Variants in NUP98 observed in about 807,000 individuals in gnomAD.
NUP98 encodes nuclear pore complex protein Nup98-Nup96.
A neutral mutation model predicts 191.9 loss-of-function variants in NUP98; 26 were observed. That is an observed-to-expected ratio of 0.14 (90% CI 0.10 to 0.19). The LOEUF is 0.19. Among genes scored for constraint, NUP98 ranks in the 10% least tolerant of loss-of-function variants. NUP98 has a pLI of 1.00. For missense variants in NUP98, 1,941 were observed against 2,178.8 expected (o/e 0.89, Z 2.17); for synonymous variants, 808 against 778.4 (o/e 1.04, Z -0.63).
At chr11:3,711,768 C>T in intron 20 of NUP98, 1 of 763,386 alleles carries the variant, frequency 1.3e-6, no homozygotes, top group African/African-American at 1.9e-5. Context: ...TTTCCAGTTT[C>T]CCACATTTAT....
chr11:3,775,841 C>CG, intron 5 of NUP98, 41 bp downstream of exon 5: 1 of 1,587,276 alleles, frequency 6.3e-7, no homozygotes, highest in Non-Finnish European at 8.6e-7. Flanking sequence ...AATATACATG[C>CG]GGGAAAAAAC....
At position 3,759,962 on chromosome 11, in the gene NUP98, GC is replaced by G. The variant is rs2081108990; in HGVS notation, c.1174+576del. ...ACTCCTAAGTGATACTCCTGACTCAGCCTCCATAATGGCTGGGACTACAGGT... is the reference window on the plus strand; with the variant it reads ...ACTCCTAAGTGATACTCCTGACTCAGCTCCATAATGGCTGGGACTACAGGT... On this transcript the variant is annotated intron_variant, in intron 10 of 32. Coordinates refer to ENST00000324932, the MANE Select transcript of NUP98 (RefSeq NM_016320.5). Among the ~76,000 whole-genome samples, 4 of 151,970 alleles carry G rather than the reference GC, an allele frequency of 2.6e-5. 1 individual carries two copies. In the South Asian group the frequency reaches 8.3e-4, roughly 32 times the overall value.
At chr11:3,708,131 G>GTGA (rs1414569099) in intron 20 of NUP98, among the ~76,000 whole-genome samples, 2 of 152,078 alleles carry the variant, frequency 1.3e-5, no homozygotes, top group East Asian at 3.8e-4. Flanking sequence ...AGGCCAGGTC[G>GTGA]TGAAGGCTTG....
chr11:3,744,399 T>A lies in NUP98; in HGVS notation c.1408+110A>T, dbSNP rs901077570. On this transcript the variant is annotated intron_variant, in intron 12 of 32. Coordinates refer to ENST00000324932, the MANE Select transcript of NUP98 (RefSeq NM_016320.5). Reference sequence around the variant, plus strand: ...TTTACTACCCAATTGTTTAATGACATGCATGTATGCAATGCCTTGGTAGGA... The same window carrying A: ...TTTACTACCCAATTGTTTAATGACAAGCATGTATGCAATGCCTTGGTAGGA... 6 of 1,063,466 alleles carry A rather than the reference T, an allele frequency of 5.6e-6. No homozygotes were observed. The African/African-American group carries it at 9.5e-5, about 17-fold the overall frequency. 65.9% of individuals were successfully genotyped at this position (1,063,466 alleles called of 1,614,324 possible).
chr11:3,735,156 G>T, intron 13 of NUP98, 35 bp downstream of exon 13: 1 of 1,514,880 alleles, frequency 6.6e-7, no homozygotes, highest in South Asian at 1.3e-5. Context: ...CTCTTTCTTT[G>T]ATATGATATT....
chr11:3,676,248 G>T lies in NUP98; in HGVS notation c.5314C>A (p.Arg1772=). The change falls in exon 33 of 33, where the codon CGG becomes AGG. Residue 1772 remains arginine, a synonymous_variant. Coordinates refer to ENST00000324932, the MANE Select transcript of NUP98 (RefSeq NM_016320.5). ...PLRLLAPHIG[R]LPMPEDYAMD... ...GCATAGTCCTCAGGCATGGGAAGCCGGCCAATGTGGGGAGCCAAGAGGCGC... is the reference window on the plus strand; with the variant it reads ...GCATAGTCCTCAGGCATGGGAAGCCTGCCAATGTGGGGAGCCAAGAGGCGC... 1 of 1,614,164 alleles carries T rather than the reference G, an allele frequency of 6.2e-7. No homozygotes were observed. Among genetic ancestry groups the T allele is most frequent in the Non-Finnish European group, 8.5e-7 (1 of 1,180,032 alleles).
chr11:3,715,584 G>A (rs558926305), intron 18 of NUP98, among the ~76,000 whole-genome samples: 6 of 152,192 alleles, frequency 3.9e-5, no homozygotes, highest in African/African-American at 1.2e-4. Context: ...CAAGTCCTTT[G>A]CCAATATTTT....
intron 1 of NUP98, among the ~76,000 whole-genome samples, chr11:3,797,150 G>A (rs1009037895): frequency 6.6e-6 from 1 of 152,254 alleles, no homozygotes; most frequent in African/African-American, 2.4e-5. Context: ...CCACTCGCGT[G>A]GGCAGCAACT....
chr11:3,757,511 C>A (rs1170733440), intron 10 of NUP98, among the ~76,000 whole-genome samples: 4 of 150,982 alleles, frequency 2.6e-5, no homozygotes, highest in Non-Finnish European at 5.9e-5. Flanking sequence ...CAAAACAAAA[C>A]AAAAATGCCG....
At chr11:3,791,468 A>C (rs1161978593) in intron 1 of NUP98, among the ~76,000 whole-genome samples, 1 of 132,394 alleles carries the variant, frequency 7.6e-6, no homozygotes, top group African/African-American at 2.9e-5. Context: ...CAGAAGGCGG[A>C]GGTTGCAGTG....
At chr11:3,712,026 A>C in intron 20 of NUP98, 1 of 1,049,734 alleles carries the variant, frequency 9.5e-7, no homozygotes, top group Non-Finnish European at 1.2e-6. Flanking sequence ...CCCAAGCCAA[A>C]TAATAATTCA....
intron 11 of NUP98, among the ~76,000 whole-genome samples, chr11:3,747,325 A>G (rs2080544100): frequency 6.6e-6 from 1 of 152,226 alleles, no homozygotes. Context: ...TGAGGCATCT[A>G]TTAGCACCAG....
intron 11 of NUP98, among the ~76,000 whole-genome samples, chr11:3,751,913 C>T (rs1451762377): frequency 6.6e-6 from 1 of 151,846 alleles, no homozygotes; most frequent in East Asian, 1.9e-4. Context: ...CGCGGTGGCT[C>T]ATGTCTGTAA....
intron 10 of NUP98, among the ~76,000 whole-genome samples, chr11:3,757,404 T>C (rs1331447995): frequency 1.3e-5 from 2 of 151,586 alleles, no homozygotes; most frequent in Non-Finnish European, 2.9e-5. Context: ...GGAGGATCAC[T>C]TGAGCCCAGG....
intron 12 of NUP98, among the ~76,000 whole-genome samples, chr11:3,736,125 T>C (rs927373631): frequency 6.6e-6 from 1 of 150,996 alleles, no homozygotes; most frequent in Non-Finnish European, 1.5e-5. Flanking sequence ...AGAGATGGGG[T>C]TTCGCCATGT....
At chr11:3,698,708 C>A (rs150428574) in intron 25 of NUP98, among the ~76,000 whole-genome samples, 1,346 of 93,252 alleles carry the variant, frequency 0.014, 34 homozygotes, top group African/African-American at 0.054. Flanking sequence ...GCCTGGGCAA[C>A]AAGAGTGAAA....
chr11:3,715,433 AT>A (rs981558334), intron 18 of NUP98, among the ~76,000 whole-genome samples: 106 of 141,756 alleles, frequency 7.5e-4, no homozygotes, highest in African/African-American at 1.1e-3. Flanking sequence ...ACGCCCGGCC[AT>A]TTTTTTTTTT....
At chr11:3,731,336 A>T in intron 14 of NUP98, 55 bp downstream of exon 14, 1 of 1,119,584 alleles carries the variant, frequency 8.9e-7, no homozygotes. Context: ...ATTATTTCAT[A>T]TTTAGTTTAT....
At chr11:3,731,200 G>T (rs1215679166) in intron 14 of NUP98, among the ~76,000 whole-genome samples, 191 bp downstream of exon 14, 1 of 152,098 alleles carries the variant, frequency 6.6e-6, no homozygotes, top group African/African-American at 2.4e-5. Context: ...GGAGGCAAAG[G>T]TTGCAGTGAG....
Sources: allele counts gnomAD v4.1 joint callset (sites outside exome capture counted in the v4.1 genomes callset), GRCh38; gene constraint gnomAD v4.1.1; transcripts MANE v1.5; gene names NCBI Gene and HGNC (gene_info 2026-07-23, HGNC 2026-07-21).